Variants in MED12L observed in about 807,000 individuals in gnomAD.
The protein encoded by MED12L is mediator complex subunit 12L.
In MED12L, 60 loss-of-function variants were observed where a neutral mutation model predicts 281.3. The ratio of observed to expected loss-of-function variants is 0.21; its 90% CI spans 0.17 to 0.26. The LOEUF (loss-of-function observed/expected upper bound fraction) is 0.26. Among genes scored for constraint, MED12L ranks in the 10% least tolerant of loss-of-function variants. The pLI, the probability that MED12L is intolerant of heterozygous loss-of-function variation, is 1.00. For missense variants in MED12L, 2,146 were observed against 2,680.9 expected (o/e 0.80, Z 4.41); for synonymous variants, 974 against 987.2 (o/e 0.99, Z 0.25).
At chr3:151,143,886 C>T (rs1717391422) in intron 5 of MED12L, among the ~76,000 whole-genome samples, 2 of 152,112 alleles carry the variant, frequency 1.3e-5, no homozygotes, top group South Asian at 4.1e-4. Context: ...TTAAGTGCAC[C>T]AATTTAATAT....
At chr3:151,200,180 A>G (rs1283070104) in intron 16 of MED12L, among the ~76,000 whole-genome samples, 1 of 151,394 alleles carries the variant, frequency 6.6e-6, no homozygotes, top group Non-Finnish European at 1.5e-5. Context: ...AACTACTGTG[A>G]TCACCACTGA....
chr3:151,154,177 G>A (rs916367040), intron 5 of MED12L, among the ~76,000 whole-genome samples: 2 of 151,938 alleles, frequency 1.3e-5, no homozygotes, highest in Non-Finnish European at 1.5e-5. Flanking sequence ...TTACTAATCC[G>A]CATCCACTCG....
intron 16 of MED12L, among the ~76,000 whole-genome samples, chr3:151,262,922 A>G (rs1178101037): frequency 2.0e-5 from 3 of 152,172 alleles, no homozygotes; most frequent in Non-Finnish European, 2.9e-5. Flanking sequence ...ATTTTGCCTG[A>G]AGACACGTAG....
At chr3:151,418,864 C>A (rs951371496) in intron 43 of MED12L, among the ~76,000 whole-genome samples, 1 of 151,734 alleles carries the variant, frequency 6.6e-6, no homozygotes, top group Non-Finnish European at 1.5e-5. Context: ...ATTTTTAATT[C>A]TTTTAATTAT....
chr3:151,352,499 C>T (rs1392391909), intron 17 of MED12L, among the ~76,000 whole-genome samples: 1 of 152,108 alleles, frequency 6.6e-6, no homozygotes, highest in African/African-American at 2.4e-5. Context: ...AGTGTAAGCA[C>T]CAGAAATTAG....
chr3:151,430,187 TCGTGAAG>T lies in MED12L; in HGVS notation c.6409-111_6409-105del. 42 of 1,471,264 alleles carry T rather than the reference TCGTGAAG, an allele frequency of 2.9e-5. No individual in the cohort carries two copies. In the Admixed American group the frequency reaches 4.2e-4, roughly 15 times the overall value. 91.1% of individuals were successfully genotyped at this position (1,471,264 alleles called of 1,614,324 possible). ...ACACACAGTTGTCATAGCCCTTTTT[TCGTGAAG>T]TGTTGAGAAGTACCTTACAGACTGG... On this transcript the variant is annotated intron_variant, in intron 43 of 44. Coordinates refer to ENST00000687756, the MANE Select transcript of MED12L (RefSeq NM_001393769.1).
At chr3:151,153,454 C>T (rs903152087) in intron 5 of MED12L, among the ~76,000 whole-genome samples, 1 of 152,050 alleles carries the variant, frequency 6.6e-6, no homozygotes, top group Non-Finnish European at 1.5e-5. Flanking sequence ...TAGAACTGCT[C>T]TACTTTCAGA....
At chr3:151,221,605 C>T (rs552533083) in intron 16 of MED12L, among the ~76,000 whole-genome samples, 67 of 152,306 alleles carry the variant, frequency 4.4e-4, no homozygotes, top group African/African-American at 1.5e-3. Flanking sequence ...TCAGAGGGTG[C>T]AAGCCTCAAG....
In MED12L at chr3:151,434,498, ATTAAT is replaced by A. The variant is rs1719875297; in HGVS notation, c.*1695_*1699del. 7.3e-6 allele frequency: 1 copy of A among 137,404 alleles called. No individual in the cohort carries two copies. Among genetic ancestry groups the A allele is most frequent in the African/African-American group, 2.7e-5 (1 of 36,508 alleles). The allele number at this position is 137,404 out of a possible 1,614,324, so 8.5% of individuals were successfully genotyped here. ...CATTAAAAACTATTCTTTTCACTAAATTAATAGTCTATCTGCTTTCAGAAGATGTA... is the reference window on the plus strand; with the variant it reads ...CATTAAAAACTATTCTTTTCACTAAAAGTCTATCTGCTTTCAGAAGATGTA... On this transcript the variant is annotated 3_prime_UTR_variant, in exon 45 of 45. Coordinates refer to ENST00000687756, the MANE Select transcript of MED12L (RefSeq NM_001393769.1).
chr3:151,087,818 A>G (rs1320069580), intron 2 of MED12L, among the ~76,000 whole-genome samples: 1 of 152,132 alleles, frequency 6.6e-6, no homozygotes, highest in East Asian at 1.9e-4. Flanking sequence ...GTTAACAAGT[A>G]ATTATGTAAC....
chr3:151,197,571 T>C (rs566122276), intron 16 of MED12L, among the ~76,000 whole-genome samples: 1 of 152,290 alleles, frequency 6.6e-6, no homozygotes, highest in South Asian at 2.1e-4. Flanking sequence ...GCGAAGTCAG[T>C]GTATCTGTTT....
intron 16 of MED12L, among the ~76,000 whole-genome samples, chr3:151,347,869 G>T (rs1027956814): frequency 1.1e-4 from 17 of 152,154 alleles, no homozygotes; most frequent in Non-Finnish European, 2.5e-4. Flanking sequence ...TATTATTCGA[G>T]ATCATGGACT....
chr3:151,338,429 C>G, intron 16 of MED12L: 1 of 1,614,050 alleles, frequency 6.2e-7, no homozygotes, highest in Non-Finnish European at 8.5e-7. Context: ...TCTTAGCCCC[C>G]AAGAGATTTT....
chr3:151,323,565 G>T (rs146636834), intron 16 of MED12L, among the ~76,000 whole-genome samples: 2 of 152,124 alleles, frequency 1.3e-5, no homozygotes, highest in East Asian at 1.9e-4. Context: ...TTATTGTGCC[G>T]CAGGGTTCCC....
intron 2 of MED12L, among the ~76,000 whole-genome samples, chr3:151,108,127 T>C (rs1239067449): frequency 2.0e-5 from 3 of 152,118 alleles, no homozygotes; most frequent in East Asian, 1.9e-4. Flanking sequence ...AATAGAAAAC[T>C]GTTTCAGGAA....
chr3:151,369,439 A>C lies in MED12L; in HGVS notation c.3554A>C (p.Lys1185Thr). 6 of 1,599,508 alleles carry C rather than the reference A, an allele frequency of 3.8e-6. No individual in the cohort carries two copies. Among genetic ancestry groups the C allele is most frequent in the Non-Finnish European group, 5.1e-6 (6 of 1,173,012 alleles). ...TAAAGATTTGTTGTTTTTGTAGGCA[A>C]ACCTTTCCCTGGAATAAGATCATCT... ...QACFLPQATG[K>T]PFPGIRSSCD... The change falls in exon 26 of 45, where the codon AAA becomes ACA. Residue 1185 changes from lysine to threonine, a missense_variant. Physicochemically the swap from Lys to Thr is moderately conservative, Grantham distance 78 (BLOSUM62 -1). Transcript: ENST00000687756.
chr3:151,179,524 G>A, intron 11 of MED12L, among the ~76,000 whole-genome samples: 1 of 152,192 alleles, frequency 6.6e-6, no homozygotes, highest in South Asian at 2.1e-4. Context: ...AGCTCCAAAT[G>A]CAGACTATAA....
chr3:151,367,803 T>C (rs763827425), intron 24 of MED12L, 37 bp downstream of exon 24: 2 of 1,576,436 alleles, frequency 1.3e-6, no homozygotes, highest in Non-Finnish European at 1.7e-6. Flanking sequence ...TGCTCTTTGA[T>C]TGTTGTCTTG....
intron 16 of MED12L, among the ~76,000 whole-genome samples, chr3:151,221,294 T>C (rs1012264208): frequency 6.6e-6 from 1 of 152,092 alleles, no homozygotes; most frequent in African/African-American, 2.4e-5. Flanking sequence ...AGCCTGACAA[T>C]GCAATAGAAA....
Sources: gnomAD v4.1 joint callset for allele counts (sites outside exome capture counted in the v4.1 genomes callset) on GRCh38, gnomAD v4.1.1 for gene constraint, MANE v1.5 for transcripts, NCBI Gene and HGNC (gene_info 2026-07-23, HGNC 2026-07-21) for gene names.